The following NLGN1 variants were observed in gnomAD, a reference collection of about 807,000 sequenced individuals.
The protein encoded by NLGN1 is neuroligin 1.
NLGN1 carries 12 observed loss-of-function variants against 65.5 expected under a neutral mutation model. The observed-to-expected ratio is 0.18, with a 90% CI of 0.12 to 0.30. The LOEUF is 0.30. Among genes scored for constraint, NLGN1 ranks in the 10% least tolerant of loss-of-function variants. The probability of loss-of-function intolerance (pLI) is 1.00; values close to 1 mark genes in which losing one functional copy is unlikely to be tolerated. For synonymous variants in NLGN1, 350 were observed against 359.5 expected (o/e 0.97, Z 0.30); for missense variants, 750 against 1,007.1 (o/e 0.74, Z 3.46).
At position 173,410,706 on chromosome 3, in the gene NLGN1, A is replaced by G. The variant is rs562473089; in HGVS notation, c.-390+12219A>G. Among the ~76,000 whole-genome samples, 3 of 152,346 alleles carry G rather than the reference A, an allele frequency of 2.0e-5. No individual in the cohort carries two copies. In the South Asian group the frequency reaches 6.2e-4, roughly 32 times the overall value. On this transcript the variant is annotated intron_variant, in intron 1 of 6. Transcript: ENST00000457714. Reference sequence around the variant, plus strand: ...TTGTAAAATCTCCAAACTAGGCTGTATCATTTTCTATACATGTTTAAATCT... The same window carrying G: ...TTGTAAAATCTCCAAACTAGGCTGTGTCATTTTCTATACATGTTTAAATCT...
chr3:174,039,242 T>G (rs1014531080), intron 4 of NLGN1, among the ~76,000 whole-genome samples: 20 of 151,794 alleles, frequency 1.3e-4, no homozygotes, highest in Non-Finnish European at 1.5e-5. Context: ...TATATAAATA[T>G]AAAATTTTTA....
intron 4 of NLGN1, among the ~76,000 whole-genome samples, chr3:173,850,610 G>A (rs1029982918): frequency 2.6e-5 from 4 of 152,032 alleles, no homozygotes; most frequent in African/African-American, 9.7e-5. Flanking sequence ...TATCCTTTTC[G>A]TTGAAACAAA....
At chr3:173,888,704 A>T (rs149713545) in intron 4 of NLGN1, among the ~76,000 whole-genome samples, 288 of 152,244 alleles carry the variant, frequency 1.9e-3, no homozygotes, top group African/African-American at 6.7e-3. Flanking sequence ...TTCTATATAA[A>T]CCAGGGAAAG....
At chr3:173,745,164 A>T (rs1371981699) in intron 3 of NLGN1, among the ~76,000 whole-genome samples, 1 of 152,080 alleles carries the variant, frequency 6.6e-6, no homozygotes, top group East Asian at 1.9e-4. Context: ...ACTTGATGTC[A>T]GCTCTTGCCA....
chr3:173,699,351 C>T (rs143410172), intron 3 of NLGN1, among the ~76,000 whole-genome samples: 10 of 152,260 alleles, frequency 6.6e-5, no homozygotes, highest in Middle Eastern at 3.4e-3. Context: ...ATCAACTTGA[C>T]GTTAAATATG....
chr3:173,643,235 G>A, intron 3 of NLGN1, among the ~76,000 whole-genome samples: 1 of 152,164 alleles, frequency 6.6e-6, no homozygotes, highest in East Asian at 1.9e-4. Context: ...AAGCAGAGTA[G>A]AGAGAAAGGG....
intron 3 of NLGN1, among the ~76,000 whole-genome samples, chr3:173,683,766 G>A (rs1764295933): frequency 6.6e-6 from 1 of 152,028 alleles, no homozygotes; most frequent in Non-Finnish European, 1.5e-5. Context: ...TGTGAAGTGT[G>A]GAAGGGTGGG....
chr3:173,915,323 A>G (rs976855256), intron 4 of NLGN1, among the ~76,000 whole-genome samples: 2 of 152,236 alleles, frequency 1.3e-5, no homozygotes, highest in Non-Finnish European at 2.9e-5. Context: ...CCCTTTGCAT[A>G]TGAGAAACAA....
chr3:173,616,829 T>C (rs1224314923), intron 3 of NLGN1, among the ~76,000 whole-genome samples: 1 of 152,212 alleles, frequency 6.6e-6, no homozygotes, highest in Non-Finnish European at 1.5e-5. Context: ...ATCTTTGCTT[T>C]AAAGTCTGAA....
At chr3:174,151,977 A>C (rs2152705279) in intron 4 of NLGN1, among the ~76,000 whole-genome samples, 1 of 152,268 alleles carries the variant, frequency 6.6e-6, no homozygotes, top group Admixed American at 6.5e-5. Context: ...GAATAGAAAA[A>C]AATAACTGTT....
At chr3:173,975,605 A>G (rs1717251314) in intron 4 of NLGN1, among the ~76,000 whole-genome samples, 1 of 152,026 alleles carries the variant, frequency 6.6e-6, no homozygotes, top group Non-Finnish European at 1.5e-5. Flanking sequence ...AGATTCAGAC[A>G]GGGTATGTGA....
chr3:174,080,033 T>C (rs369277853), intron 4 of NLGN1, among the ~76,000 whole-genome samples: 100 of 152,038 alleles, frequency 6.6e-4, no homozygotes, highest in African/African-American at 2.2e-3. Context: ...CCCCTGAACT[T>C]AGAGTTAAAT....
intron 3 of NLGN1, among the ~76,000 whole-genome samples, chr3:173,708,495 C>G (rs1461693447): frequency 1.3e-5 from 2 of 152,158 alleles, no homozygotes; most frequent in Admixed American, 6.6e-5. Context: ...ACTAGTAATG[C>G]ATTTGACTTT....
chr3:174,127,215 G>A (rs1719125540), intron 4 of NLGN1, among the ~76,000 whole-genome samples: 1 of 152,160 alleles, frequency 6.6e-6, no homozygotes, highest in Admixed American at 6.6e-5. Flanking sequence ...ATGCCCAAGT[G>A]TGTGGTAGTT....
At chr3:174,079,679 T>C (rs1447544536) in intron 4 of NLGN1, among the ~76,000 whole-genome samples, 3 of 152,322 alleles carry the variant, frequency 2.0e-5, no homozygotes, top group East Asian at 1.9e-4. Context: ...ATGTGGGACA[T>C]GTACACCATG....
At chr3:174,253,310 C>T (rs1387526192) in intron 4 of NLGN1, among the ~76,000 whole-genome samples, 4 of 152,142 alleles carry the variant, frequency 2.6e-5, no homozygotes, top group Admixed American at 2.0e-4. Context: ...CAAGCCATCA[C>T]TTCAACCCAC....
intron 4 of NLGN1, among the ~76,000 whole-genome samples, chr3:173,877,217 T>G (rs1379952193): frequency 1.3e-5 from 2 of 152,188 alleles, no homozygotes. Context: ...GTGGATATCA[T>G]GTACCTTCTC....
At chr3:173,939,724 A>C (rs1745672277) in intron 4 of NLGN1, among the ~76,000 whole-genome samples, 1 of 152,206 alleles carries the variant, frequency 6.6e-6, no homozygotes, top group South Asian at 2.1e-4. Context: ...TAGAGAATTC[A>C]ATGCTTGTTT....
At chr3:174,033,521 T>TTAAAATCACATTG (rs1730487198) in intron 4 of NLGN1, among the ~76,000 whole-genome samples, 1 of 109,850 alleles carries the variant, frequency 9.1e-6, no homozygotes, top group Non-Finnish European at 1.9e-5. Flanking sequence ...ATGGGGCATT[T>TTAAAATCACATTG]AAAATAACTG....
Sources: allele counts gnomAD v4.1 joint callset (sites outside exome capture counted in the v4.1 genomes callset), GRCh38; gene constraint gnomAD v4.1.1; transcripts MANE v1.5; gene names NCBI Gene and HGNC (gene_info 2026-07-23, HGNC 2026-07-21).